Variants in LANCL2 observed in about 807,000 individuals in gnomAD.
LANCL2 encodes LanC like glutathione S-transferase 2.
LANCL2 carries 33 observed loss-of-function variants against 56.9 expected under a neutral mutation model. The ratio of observed to expected loss-of-function variants is 0.58; its 90% CI spans 0.44 to 0.78. The LOEUF is 0.78. LANCL2 is among the 30% of genes least tolerant of loss of function. The pLI is 0.00. For missense variants in LANCL2, 562 were observed against 580.2 expected, an observed-to-expected ratio of 0.97 and a Z score of 0.32; for synonymous variants, 233 against 228.2, an observed-to-expected ratio of 1.02 and a Z score of -0.19.
intron 6 of LANCL2, among the ~76,000 whole-genome samples, chr7:55,418,995 T>C (rs1047781960): frequency 1.3e-5 from 2 of 152,188 alleles, no homozygotes; most frequent in African/African-American, 2.4e-5. Flanking sequence ...TTTATCCTTT[T>C]CTTTTTATTA....
chr7:55,367,433 A>G (rs1789887852), intron 1 of LANCL2, among the ~76,000 whole-genome samples: 1 of 152,000 alleles, frequency 6.6e-6, no homozygotes, highest in Non-Finnish European at 1.5e-5. Flanking sequence ...GTGGTTAAAA[A>G]CTCGAAACAG....
At chr7:55,377,401 T>C (rs1790015550) in intron 1 of LANCL2, among the ~76,000 whole-genome samples, 1 of 152,244 alleles carries the variant, frequency 6.6e-6, no homozygotes, top group South Asian at 2.1e-4. Flanking sequence ...TATGCTTCAG[T>C]ATCACCCAGT....
In LANCL2 at chr7:55,432,956, A is replaced by G. The variant is rs774448939; in HGVS notation, c.*1636A>G. The G allele has an allele frequency of 1.3e-5, 2 of 152,362 alleles. No homozygotes were observed. The highest frequency in any genetic ancestry group is 1.5e-5 in the Non-Finnish European group (1 of 68,048). The allele number at this position is 152,362 out of a possible 1,614,324, so 9.4% of individuals were successfully genotyped here. On this transcript the variant is annotated 3_prime_UTR_variant, in exon 9 of 9. Transcript: ENST00000254770. ...CACCTGCAGGCAGGATGCTGTCGTC[A>G]ATGAGCTGAGGGTAGCTGCTTTGCT...
chr7:55,412,223 A>C, intron 6 of LANCL2, 134 bp downstream of exon 6: 1 of 785,770 alleles, frequency 1.3e-6, no homozygotes, highest in Non-Finnish European at 2.0e-6. Flanking sequence ...TTACAAAATA[A>C]AGTCTCTGTA....
chr7:55,379,187 A>T (rs1790037735), intron 1 of LANCL2, among the ~76,000 whole-genome samples: 1 of 152,156 alleles, frequency 6.6e-6, no homozygotes, highest in South Asian at 2.1e-4. Flanking sequence ...AGTATCATTT[A>T]TGAGGAATGA....
In LANCL2 at chr7:55,380,190, G is replaced by A. The variant is rs145668424; in HGVS notation, c.205-11603G>A. 4.6e-3 allele frequency among the ~76,000 whole-genome samples: 694 copies of A among 152,266 alleles called. 4 individuals are homozygous for A. The highest frequency in any genetic ancestry group is 0.02 in the Middle Eastern group (6 of 294). Reference sequence around the variant, plus strand: ...GTCTTGGGCAACTAATAAATATAATGTCAAAGGGGAAAGTCGTATTCAGTA... The same window carrying A: ...GTCTTGGGCAACTAATAAATATAATATCAAAGGGGAAAGTCGTATTCAGTA... On this transcript the variant is annotated intron_variant, in intron 1 of 8. Transcript: ENST00000254770.
At chr7:55,386,826 C>T (rs763564816) in intron 1 of LANCL2, among the ~76,000 whole-genome samples, 9 of 152,094 alleles carry the variant, frequency 5.9e-5, no homozygotes, top group Admixed American at 1.3e-4. Flanking sequence ...TGAGAAGTTA[C>T]GTGGGTTACT....
At chr7:55,395,489 G>A (rs1012640004) in intron 2 of LANCL2, among the ~76,000 whole-genome samples, 10 of 151,944 alleles carry the variant, frequency 6.6e-5, no homozygotes, top group African/African-American at 1.7e-4. Context: ...AAACCAAAGC[G>A]CAAGGAGCCA....
intron 6 of LANCL2, among the ~76,000 whole-genome samples, 183 bp downstream of exon 6, chr7:55,412,272 C>CTG (rs914475307): frequency 1.1e-4 from 17 of 152,130 alleles, no homozygotes; most frequent in Admixed American, 1.0e-3. Context: ...TGCTGCAAGT[C>CTG]TGTGTGTGTG....
intron 1 of LANCL2, among the ~76,000 whole-genome samples, chr7:55,366,586 GCTC>G (rs1161450317): frequency 1.3e-5 from 2 of 152,162 alleles, no homozygotes; most frequent in African/African-American, 4.8e-5. Flanking sequence ...CCGGCTACCT[GCTC>G]CTCAGAAGTG....
At chr7:55,405,079 C>T (rs758219908) in intron 5 of LANCL2, among the ~76,000 whole-genome samples, 37 of 152,266 alleles carry the variant, frequency 2.4e-4, no homozygotes, top group Non-Finnish European at 3.8e-4. Flanking sequence ...AATTGGCTCA[C>T]GCAACCATGG....
intron 1 of LANCL2, among the ~76,000 whole-genome samples, chr7:55,371,187 C>T (rs958052360): frequency 1.1e-4 from 16 of 152,186 alleles, no homozygotes; most frequent in South Asian, 2.1e-4. Context: ...TCCTTCAACC[C>T]ACTGCCTCCG....
intron 7 of LANCL2, 39 bp from the exon 8 acceptor site, chr7:55,428,336 A>G (rs191641627): frequency 3.8e-6 from 6 of 1,565,342 alleles, no homozygotes; most frequent in Admixed American, 1.7e-5. Context: ...TTCACCAGGT[A>G]GAAACTCCAG....
At chr7:55,414,358 C>T (rs1324439485) in intron 6 of LANCL2, among the ~76,000 whole-genome samples, 1 of 152,066 alleles carries the variant, frequency 6.6e-6, no homozygotes, top group African/African-American at 2.4e-5. Flanking sequence ...AGAGGGCCTC[C>T]ATTTATTAAA....
At chr7:55,400,279 G>C (rs1790306186) in intron 4 of LANCL2, among the ~76,000 whole-genome samples, 175 bp downstream of exon 4, 1 of 152,124 alleles carries the variant, frequency 6.6e-6, no homozygotes, top group African/African-American at 2.4e-5. Context: ...AAAAAAATCT[G>C]TACTCTCTTT....
At chr7:55,385,616 C>T (rs1790116599) in intron 1 of LANCL2, among the ~76,000 whole-genome samples, 2 of 152,132 alleles carry the variant, frequency 1.3e-5, no homozygotes, top group Non-Finnish European at 2.9e-5. Context: ...ACATCAAGTA[C>T]TTAACAAGGT....
At chr7:55,402,115 C>T (rs1222112052) in intron 5 of LANCL2, among the ~76,000 whole-genome samples, 49 of 65,076 alleles carry the variant, frequency 7.5e-4, no homozygotes, top group South Asian at 1.5e-3. Context: ...CCAGTAGGGG[C>T]GGCCGGGCAG....
chr7:55,423,221 G>A (rs3807357), intron 6 of LANCL2, among the ~76,000 whole-genome samples: 10,508 of 152,318 alleles, frequency 0.069, 551 homozygotes, highest in East Asian at 0.26. Context: ...TAGAGCATGA[G>A]TGTATGTGGT....
At chr7:55,392,189 A>C (rs1196261887) in intron 2 of LANCL2, among the ~76,000 whole-genome samples, 2 of 152,086 alleles carry the variant, frequency 1.3e-5, no homozygotes, top group Non-Finnish European at 2.9e-5. Context: ...GCTACTTGGG[A>C]GGCTGAGGCA....
Sources: gnomAD v4.1 joint callset for allele counts (sites outside exome capture counted in the v4.1 genomes callset) on GRCh38, gnomAD v4.1.1 for gene constraint, MANE v1.5 for transcripts, NCBI Gene and HGNC (gene_info 2026-07-23, HGNC 2026-07-21) for gene names.